The following XKR4 variants were observed in gnomAD, a reference collection of about 807,000 sequenced individuals.
XKR4 encodes the protein XK related 4.
Under a neutral mutation model 53.9 loss-of-function variants are expected in XKR4, and 12 were observed. The ratio of observed to expected loss-of-function variants is 0.22; its 90% CI spans 0.14 to 0.36. The LOEUF (loss-of-function observed/expected upper bound fraction) is 0.36. XKR4 is among the 10% of genes least tolerant of loss of function. The probability of loss-of-function intolerance (pLI) is 1.00; values close to 1 mark genes in which losing one functional copy is unlikely to be tolerated. For missense variants in XKR4, 799 were observed against 859.5 expected (o/e 0.93, Z 0.88); for synonymous variants, 354 against 362.4 (o/e 0.98, Z 0.26).
intron 1 of XKR4, among the ~76,000 whole-genome samples, chr8:55,268,767 T>C (rs1282407204): frequency 6.6e-6 from 1 of 152,204 alleles, no homozygotes; most frequent in Non-Finnish European, 1.5e-5. Flanking sequence ...GTGCCATATT[T>C]CTATTCCTAT....
intron 2 of XKR4, among the ~76,000 whole-genome samples, chr8:55,487,732 G>A (rs1236423792): frequency 6.6e-6 from 1 of 152,190 alleles, no homozygotes; most frequent in East Asian, 1.9e-4. Context: ...GCCTCCCAAA[G>A]TGCTGGGATT....
intron 2 of XKR4, among the ~76,000 whole-genome samples, chr8:55,456,403 C>T (rs1805570856): frequency 6.6e-6 from 1 of 151,552 alleles, no homozygotes; most frequent in Non-Finnish European, 1.5e-5. Flanking sequence ...TGTACTCCAG[C>T]CTGGGCAACA....
At chr8:55,156,849 C>T (rs1270715679) in intron 1 of XKR4, among the ~76,000 whole-genome samples, 3 of 152,200 alleles carry the variant, frequency 2.0e-5, no homozygotes, top group South Asian at 2.1e-4. Flanking sequence ...GAAGATTACA[C>T]CAACAACACG....
chr8:55,229,347 C>T (rs941467364), intron 1 of XKR4, among the ~76,000 whole-genome samples: 4 of 152,224 alleles, frequency 2.6e-5, no homozygotes, highest in Non-Finnish European at 4.4e-5. Flanking sequence ...CTGGGAGACG[C>T]AGAGCTGACG....
intron 1 of XKR4, among the ~76,000 whole-genome samples, chr8:55,336,173 T>C (rs1803458409): frequency 6.6e-6 from 1 of 152,018 alleles, no homozygotes; most frequent in South Asian, 2.1e-4. Context: ...GGGAGGAACC[T>C]GGTGAGAGGT....
intron 1 of XKR4, among the ~76,000 whole-genome samples, chr8:55,354,614 T>G (rs1803772383): frequency 6.6e-6 from 1 of 151,918 alleles, no homozygotes; most frequent in South Asian, 2.1e-4. Context: ...TATAGGAAAC[T>G]AAATTAACTT....
intron 1 of XKR4, among the ~76,000 whole-genome samples, chr8:55,109,611 G>A (rs1816206265): frequency 6.6e-6 from 1 of 152,088 alleles, no homozygotes; most frequent in South Asian, 2.1e-4. Context: ...TCTGTGGTGG[G>A]TATATCTCTG....
rs1048389360 is a variant in XKR4, at chr8:55,524,918, A to G, written c.*691A>G. ...TTATATTTTAAATTTTCAGTTGCGA[A>G]CATCCTTTTTGACAGAAATCCTATG... On this transcript the variant is annotated 3_prime_UTR_variant, in exon 3 of 3. Transcript: ENST00000327381. 6 of 152,674 alleles carry G rather than the reference A, an allele frequency of 3.9e-5. No homozygotes were observed. The highest frequency in any genetic ancestry group is 1.4e-4 in the African/African-American group (6 of 41,458). The allele number at this position is 152,674 out of a possible 1,614,324, so 9.5% of individuals were successfully genotyped here.
intron 1 of XKR4, among the ~76,000 whole-genome samples, chr8:55,162,384 T>C (rs542463300): frequency 6.6e-6 from 1 of 152,364 alleles, no homozygotes; most frequent in South Asian, 2.1e-4. Flanking sequence ...ATCTTTGCCA[T>C]GAGATAGACC....
intron 1 of XKR4, among the ~76,000 whole-genome samples, chr8:55,203,445 G>A (rs911198303): frequency 6.6e-6 from 1 of 152,180 alleles, no homozygotes; most frequent in African/African-American, 2.4e-5. Flanking sequence ...GTTCCCTGAA[G>A]ATAAAGATTA....
At chr8:55,152,168 G>A (rs1194546641) in intron 1 of XKR4, among the ~76,000 whole-genome samples, 1 of 152,162 alleles carries the variant, frequency 6.6e-6, no homozygotes, top group Non-Finnish European at 1.5e-5. Flanking sequence ...CCAAAGAAAA[G>A]GGAATATTAG....
intron 1 of XKR4, among the ~76,000 whole-genome samples, chr8:55,357,357 AAAAG>A (rs1803834073): frequency 6.6e-6 from 1 of 152,218 alleles, no homozygotes; most frequent in African/African-American, 2.4e-5. Flanking sequence ...AAACTGACAA[AAAAG>A]AATGTATGTA....
intron 2 of XKR4, among the ~76,000 whole-genome samples, chr8:55,435,879 A>ATC (rs1327021301): frequency 6.6e-6 from 1 of 152,118 alleles, no homozygotes; most frequent in African/African-American, 2.4e-5. Context: ...ATACTCAGAT[A>ATC]TAAGTTAGCT....
At chr8:55,358,404 GA>G (rs56089227) in intron 2 of XKR4, among the ~76,000 whole-genome samples, 34,156 of 149,968 alleles carry the variant, frequency 0.23, 4,299 homozygotes, top group African/African-American at 0.35. Context: ...GGTCATAAAG[GA>G]AAAAAAAAAT....
intron 1 of XKR4, among the ~76,000 whole-genome samples, chr8:55,327,722 T>C (rs1164534457): frequency 6.6e-6 from 1 of 152,214 alleles, no homozygotes; most frequent in East Asian, 1.9e-4. Context: ...CATTCTTTGG[T>C]CATAAAGAAC....
At chr8:55,445,652 G>C (rs1805336483) in intron 2 of XKR4, among the ~76,000 whole-genome samples, 1 of 152,116 alleles carries the variant, frequency 6.6e-6, no homozygotes, top group South Asian at 2.1e-4. Flanking sequence ...GTGCTGTCTA[G>C]GGCGGGAGAT....
At chr8:55,418,352 G>T (rs1374296948) in intron 2 of XKR4, among the ~76,000 whole-genome samples, 1 of 152,302 alleles carries the variant, frequency 6.6e-6, no homozygotes, top group Non-Finnish European at 1.5e-5. Flanking sequence ...TCAGTGAATG[G>T]CAAATCCATT....
chr8:55,350,284 T>G (rs901981358), intron 1 of XKR4, among the ~76,000 whole-genome samples: 1 of 152,186 alleles, frequency 6.6e-6, no homozygotes, highest in African/African-American at 2.4e-5. Flanking sequence ...GACACCAGCC[T>G]GGCACTTCAC....
chr8:55,295,734 C>T (rs574690283), intron 1 of XKR4, among the ~76,000 whole-genome samples: 8 of 152,170 alleles, frequency 5.3e-5, no homozygotes, highest in South Asian at 2.1e-4. Flanking sequence ...GTCTCCTAAG[C>T]GTATTTTTCA....
Sources: gnomAD v4.1 joint callset for allele counts (sites outside exome capture counted in the v4.1 genomes callset) on GRCh38, gnomAD v4.1.1 for gene constraint, MANE v1.5 for transcripts, NCBI Gene and HGNC (gene_info 2026-07-23, HGNC 2026-07-21) for gene names.